Variants in SLC13A3 observed in about 807,000 individuals in gnomAD.
SLC13A3 encodes the protein Na(+)/dicarboxylate cotransporter 3.
In SLC13A3, 40 loss-of-function variants were observed where a neutral mutation model predicts 59.0. That is an observed-to-expected ratio of 0.68 (90% CI 0.53 to 0.88). The LOEUF (loss-of-function observed/expected upper bound fraction) is 0.88. Among genes scored for constraint, SLC13A3 ranks in the 40% least tolerant of loss-of-function variants. The probability of loss-of-function intolerance (pLI) is 0.00; values close to 1 mark genes in which losing one functional copy is unlikely to be tolerated. For missense variants in SLC13A3, 699 were observed against 783.2 expected, an observed-to-expected ratio of 0.89 and a Z score of 1.28; for synonymous variants, 317 against 330.3, an observed-to-expected ratio of 0.96 and a Z score of 0.44.
At position 46,583,622 on chromosome 20, in the gene SLC13A3, A is replaced by T. The variant is rs780471298; in HGVS notation, c.1169T>A (p.Phe390Tyr). ...VTGVAIVTIL[F>Y]FFPSQRPSLK... ...AGAGGGCCTTTGGGACGGGAAGAAG[A>T]ACAAGATGGTGACAATAGCCACGCC... Residue 390 changes from phenylalanine (F) to tyrosine (Y), a missense_variant, in exon 9 of 13, where the codon TTC becomes TAC. Physicochemically the swap from Phe to Tyr is conservative, Grantham distance 22. Transcript: ENST00000279027. 2 of 1,613,898 alleles carry T rather than the reference A, an allele frequency of 1.2e-6. No individual in the cohort carries two copies. Among genetic ancestry groups the T allele is most frequent in the Non-Finnish European group, 1.7e-6 (2 of 1,180,016 alleles).
chr20:46,571,115 A>G (rs898362503), intron 10 of SLC13A3, among the ~76,000 whole-genome samples: 3 of 152,096 alleles, frequency 2.0e-5, no homozygotes, highest in Admixed American at 6.6e-5. Flanking sequence ...AAATCATCAG[A>G]TCTCTTGAGA....
intron 5 of SLC13A3, among the ~76,000 whole-genome samples, chr20:46,594,649 T>C (rs2062291807): frequency 6.6e-6 from 1 of 152,194 alleles, no homozygotes; most frequent in African/African-American, 2.4e-5. Context: ...CCAGCCTTGT[T>C]TAAAGGATAG....
At chr20:46,629,427 C>A (rs575324852) in intron 1 of SLC13A3, among the ~76,000 whole-genome samples, 8 of 152,320 alleles carry the variant, frequency 5.3e-5, no homozygotes, top group African/African-American at 1.9e-4. Context: ...TAAGCTCTTT[C>A]AACCTGCATA....
chr20:46,637,235 G>A (rs1039208836), intron 1 of SLC13A3, among the ~76,000 whole-genome samples: 1 of 152,186 alleles, frequency 6.6e-6, no homozygotes, highest in Non-Finnish European at 1.5e-5. Flanking sequence ...GGGGAAGCCG[G>A]CCCTGCTGGA....
intron 8 of SLC13A3, chr20:46,584,510 C>T (rs888259002): frequency 3.0e-6 from 3 of 984,782 alleles, no homozygotes; most frequent in Non-Finnish European, 3.6e-6. Context: ...TCCACTCACA[C>T]ATTTGGAAAG....
chr20:46,683,121 C>A (rs969515962), intron 1 of SLC13A3, among the ~76,000 whole-genome samples: 1 of 152,140 alleles, frequency 6.6e-6, no homozygotes, highest in Non-Finnish European at 1.5e-5. Context: ...CTGACAGCTG[C>A]GGCTACCCCC....
chr20:46,580,173 C>G (rs1029387888), intron 9 of SLC13A3, among the ~76,000 whole-genome samples: 2 of 152,180 alleles, frequency 1.3e-5, no homozygotes, highest in African/African-American at 4.8e-5. Flanking sequence ...CCAGGCTGCT[C>G]TTAGACTCGT....
At chr20:46,647,236 C>A (rs369576924) in intron 1 of SLC13A3, among the ~76,000 whole-genome samples, 1 of 152,146 alleles carries the variant, frequency 6.6e-6, no homozygotes, top group African/African-American at 2.4e-5. Context: ...CCGAGAGCAT[C>A]CCCAAACTCT....
At chr20:46,651,650 G>A (rs553485688), upstream of SLC13A3, among the ~76,000 whole-genome samples, 1 of 152,354 alleles carries the variant, frequency 6.6e-6, no homozygotes, top group South Asian at 2.1e-4. Flanking sequence ...GACCCCAGCC[G>A]CAGGGCAGTG....
intron 1 of SLC13A3, 58 bp from the exon 2 acceptor site, chr20:46,613,783 A>G: frequency 2.1e-6 from 3 of 1,407,214 alleles, no homozygotes; most frequent in Non-Finnish European, 9.6e-7. Flanking sequence ...AAGGGGAAGG[A>G]GGCCCAGGGC....
intron 1 of SLC13A3, among the ~76,000 whole-genome samples, chr20:46,657,150 A>G (rs2062999699): frequency 6.6e-6 from 1 of 152,136 alleles, no homozygotes; most frequent in African/African-American, 2.4e-5. Flanking sequence ...AAAAGTTTGA[A>G]AAAAAACTTT....
chr20:46,621,534 T>C (rs540062733), intron 1 of SLC13A3, among the ~76,000 whole-genome samples: 2 of 152,338 alleles, frequency 1.3e-5, no homozygotes, highest in Non-Finnish European at 2.9e-5. Flanking sequence ...TTTATTTTTG[T>C]CTTTTAATTC....
chr20:46,672,550 T>C (rs1188330899), upstream of SLC13A3, among the ~76,000 whole-genome samples: 1 of 152,176 alleles, frequency 6.6e-6, no homozygotes, highest in African/African-American at 2.4e-5. Context: ...TATGTGGTTA[T>C]AAAACATAGC....
chr20:46,664,362 G>A (rs1487578452), intron 1 of SLC13A3, among the ~76,000 whole-genome samples: 1 of 152,134 alleles, frequency 6.6e-6, no homozygotes, highest in Non-Finnish European at 1.5e-5. Context: ...TTTGGGGCCT[G>A]GGCATTGGTC....
chr20:46,659,069 T>A (rs2063011252), intron 1 of SLC13A3, among the ~76,000 whole-genome samples: 1 of 152,230 alleles, frequency 6.6e-6, no homozygotes, highest in Non-Finnish European at 1.5e-5. Flanking sequence ...GTTTATTCTA[T>A]ACAGTGTATT....
chr20:46,667,278 C>T (rs2063067103), intron 1 of SLC13A3, among the ~76,000 whole-genome samples: 3 of 152,112 alleles, frequency 2.0e-5, no homozygotes, highest in Admixed American at 2.0e-4. Flanking sequence ...GTACTCCAAA[C>T]TGGAAAAGGT....
At chr20:46,630,055 G>A (rs1284636060) in intron 1 of SLC13A3, among the ~76,000 whole-genome samples, 1 of 152,124 alleles carries the variant, frequency 6.6e-6, no homozygotes, top group Non-Finnish European at 1.5e-5. Flanking sequence ...AGGTATCTAA[G>A]CATTGGCTCT....
chr20:46,583,081 A>T (rs2062154400), intron 9 of SLC13A3: 1 of 985,772 alleles, frequency 1.0e-6, no homozygotes. Context: ...CCAAGGGGTC[A>T]TTTTTCTGCA....
At chr20:46,575,735 G>T in intron 9 of SLC13A3, 50 bp from the exon 10 acceptor site, 1 of 1,198,954 alleles carries the variant, frequency 8.3e-7, no homozygotes, top group Non-Finnish European at 1.2e-6. Context: ...TCAGCCTGAG[G>T]CAGAGGCCAC....
Sources: gnomAD v4.1 joint callset for allele counts (sites outside exome capture counted in the v4.1 genomes callset) on GRCh38, gnomAD v4.1.1 for gene constraint, MANE v1.5 for transcripts, NCBI Gene and HGNC (gene_info 2026-07-23, HGNC 2026-07-21) for gene names.